Variants in PSMD5 observed in about 807,000 individuals in gnomAD.
The protein encoded by PSMD5 is 26S proteasome non-ATPase regulatory subunit 5.
A neutral mutation model predicts 52.1 loss-of-function variants in PSMD5; 40 were observed. The observed-to-expected ratio is 0.77, with a 90% confidence interval of 0.60 to 1.00. The LOEUF is 1.00. Among genes scored for constraint, PSMD5 ranks in the 50% least tolerant of loss-of-function variants. The pLI is 0.00. For missense variants in PSMD5, 575 were observed against 605.2 expected (o/e 0.95, Z 0.52); for synonymous variants, 211 against 226.6 (o/e 0.93, Z 0.62).
intron 6 of PSMD5, among the ~76,000 whole-genome samples, chr9:120,826,301 T>C (rs1201936409): frequency 1.3e-5 from 2 of 152,178 alleles, no homozygotes; most frequent in East Asian, 1.9e-4. Context: ...GCCTTGTTCC[T>C]GATCTTAGAG....
At chr9:120,832,234 A>C (rs1415402210) in intron 2 of PSMD5, among the ~76,000 whole-genome samples, 1 of 152,196 alleles carries the variant, frequency 6.6e-6, no homozygotes, top group Non-Finnish European at 1.5e-5. Context: ...ACCTTGCACA[A>C]ATTTTAGCCC....
At chr9:120,830,015 G>A (rs2045149252) in intron 4 of PSMD5, among the ~76,000 whole-genome samples, 2 of 152,196 alleles carry the variant, frequency 1.3e-5, no homozygotes, top group Admixed American at 6.5e-5. Context: ...TGGATGAGTG[G>A]AGACCAGTTT....
At chr9:120,818,314 T>G (rs1411266643) in intron 9 of PSMD5, 151 bp from the exon 10 acceptor site, 1 of 787,866 alleles carries the variant, frequency 1.3e-6, no homozygotes, top group Non-Finnish European at 1.9e-6. Flanking sequence ...TCTAACTTAA[T>G]AAAATAATCT....
At chr9:120,824,982 C>A in intron 6 of PSMD5, 1 of 232,380 alleles carries the variant, frequency 4.3e-6, no homozygotes, top group Non-Finnish European at 8.2e-6. Context: ...CAAGTTTAGA[C>A]TCATTACCAG....
In PSMD5 at chr9:120,821,360, A is replaced by T. The variant is rs1200261111; in HGVS notation, c.1111T>A (p.Leu371Ile). 6.4e-7 allele frequency: 1 copy of T among 1,550,854 alleles called. No individual in the cohort carries two copies. The highest frequency in any genetic ancestry group is 1.9e-5 in the Admixed American group (1 of 52,110). ...CLDAISSLLY[L>I]PPEQQTDDLL... Reference sequence around the variant, plus strand: ...TTATTTCCCTACCTACTTACTGGTAAGTACAGAAGAGATGAAATTGCATCC... The same window carrying T: ...TTATTTCCCTACCTACTTACTGGTATGTACAGAAGAGATGAAATTGCATCC... Residue 371 changes from leucine to isoleucine, a missense_variant, in exon 8 of 10, where the codon TTA (leucine) becomes ATA (isoleucine). Leu to Ile is a conservative substitution (Grantham distance 5). Coordinates refer to ENST00000210313, the MANE Select transcript of PSMD5 (RefSeq NM_005047.4).
At chr9:120,820,419 G>T (rs3793638) in intron 9 of PSMD5, among the ~76,000 whole-genome samples, 74,136 of 151,974 alleles carry the variant, frequency 0.49, 20,453 homozygotes, top group South Asian at 0.72. Flanking sequence ...TGAGTAAGAG[G>T]TTAAGAAGCA....
intron 1 of PSMD5, chr9:120,841,665 C>G (rs1380464513): frequency 6.6e-6 from 1 of 152,222 alleles, no homozygotes; most frequent in Non-Finnish European, 1.5e-5. Context: ...ACCTCAATAA[C>G]TTAAATAACT....
In PSMD5 at chr9:120,831,898, A is replaced by G. The variant is rs771414778; in HGVS notation, c.366T>C (p.Asn122=). The change falls in exon 3 of 10, where the codon AAT becomes AAC. Residue 122 remains asparagine, a synonymous_variant. Coordinates refer to ENST00000210313, the MANE Select transcript of PSMD5 (RefSeq NM_005047.4). The part of the protein sequence containing the change: ...ENSDAVTEIL[N]NAELLKQIVY... The stretch of plus-strand genomic sequence containing the variant: ...CAATTTGTTTTAGTAATTCAGCATT[A>G]TTTAGAATCTCAGTAACAGCATCAG... 4 of 1,613,334 alleles carry G rather than the reference A, an allele frequency of 2.5e-6. No homozygotes were observed. In the South Asian group the frequency reaches 4.4e-5, roughly 18 times the overall value.
In PSMD5 at chr9:120,817,980, G is replaced by A. The variant is rs2045056637; in HGVS notation, c.1441C>T (p.Leu481Phe). The change falls in exon 10 of 10, where the codon CTC becomes TTC. Residue 481 changes from leucine (L) to phenylalanine (F), a missense_variant. Coordinates refer to ENST00000210313, the MANE Select transcript of PSMD5 (RefSeq NM_005047.4). ...GGCCCTTCACTCAGGTAAGTTCTGA[G>A]CCTCAAATAATTTGGGTTCCCAAAG... Reference protein sequence around the residue: ...EIFGNPNYLRLRTYLSEGPYY... With the variant: ...EIFGNPNYLRFRTYLSEGPYY... 6.2e-7 allele frequency: 1 copy of A among 1,614,166 alleles called. No individual in the cohort carries two copies.
At chr9:120,825,653 T>C (rs1485794395) in intron 6 of PSMD5, among the ~76,000 whole-genome samples, 1 of 152,194 alleles carries the variant, frequency 6.6e-6, no homozygotes. Context: ...AATTTATTCA[T>C]AAATATTTAA....
At chr9:120,822,677 C>T (rs139060029) in intron 7 of PSMD5, among the ~76,000 whole-genome samples, 72 of 151,950 alleles carry the variant, frequency 4.7e-4, no homozygotes, top group African/African-American at 1.7e-3. Context: ...GCTGGGATTA[C>T]AGGCGCCTGC....
At chr9:120,837,876 G>T (rs1477576471) in intron 1 of PSMD5, among the ~76,000 whole-genome samples, 3 of 152,168 alleles carry the variant, frequency 2.0e-5, no homozygotes, top group African/African-American at 7.2e-5. Flanking sequence ...ACCAACAGGG[G>T]AATGGATAAA....
intron 5 of PSMD5, 128 bp downstream of exon 5, chr9:120,828,971 A>G (rs1313307690): frequency 8.0e-7 from 1 of 1,249,392 alleles, no homozygotes. Flanking sequence ...TCCCTCCTTC[A>G]GGACACACAT....
At chr9:120,840,828 C>T (rs1320843446) in intron 1 of PSMD5, among the ~76,000 whole-genome samples, 8 of 152,016 alleles carry the variant, frequency 5.3e-5, no homozygotes, top group East Asian at 3.9e-4. Context: ...CTATGTTGGC[C>T]GGGTTGGTCT....
At chr9:120,833,667 GTCT>G (rs1415187191) in intron 1 of PSMD5, among the ~76,000 whole-genome samples, 7 of 143,282 alleles carry the variant, frequency 4.9e-5, no homozygotes, top group Non-Finnish European at 9.1e-5. Context: ...ATGCACTCTA[GTCT>G]TCTTTTTTTT....
intron 4 of PSMD5, among the ~76,000 whole-genome samples, chr9:120,830,078 G>A (rs539736422): frequency 4.6e-5 from 7 of 152,296 alleles, no homozygotes; most frequent in African/African-American, 7.2e-5. Context: ...AGTCTAGGGT[G>A]GTAGAAGCTG....
At chr9:120,832,088 C>A in intron 2 of PSMD5, 143 bp from the exon 3 acceptor site, 2 of 1,360,944 alleles carry the variant, frequency 1.5e-6, no homozygotes, top group Non-Finnish European at 1.9e-6. Flanking sequence ...ATCAAAATGA[C>A]CTAAATTCAT....
intron 8 of PSMD5, 39 bp from the exon 9 acceptor site, chr9:120,821,018 T>G: frequency 6.5e-7 from 1 of 1,537,042 alleles, no homozygotes; most frequent in Non-Finnish European, 8.7e-7. Context: ...AAAAGTTAAC[T>G]GATCTGGAGA....
intron 1 of PSMD5, among the ~76,000 whole-genome samples, chr9:120,836,980 CCCAGG>C (rs1334946143): frequency 6.6e-6 from 1 of 151,336 alleles, no homozygotes; most frequent in African/African-American, 2.4e-5. Flanking sequence ...ACCTCTGCCT[CCCAGG>C]TTCAAGCGAT....
Sources: allele counts gnomAD v4.1 joint callset (sites outside exome capture counted in the v4.1 genomes callset), GRCh38; gene constraint gnomAD v4.1.1; transcripts MANE v1.5; gene names NCBI Gene and HGNC (gene_info 2026-07-23, HGNC 2026-07-21).